The following WDR1 variants were observed in gnomAD, a reference collection of about 807,000 sequenced individuals.
WDR1 encodes WD repeat-containing protein 1.
A neutral mutation model predicts 71.9 loss-of-function variants in WDR1; 21 were observed. That is an observed-to-expected ratio of 0.29 (90% CI 0.21 to 0.42). The LOEUF (loss-of-function observed/expected upper bound fraction) is 0.42, where lower values mean the gene tolerates loss of function less well. WDR1 is among the 10% of genes least tolerant of loss of function. WDR1 has a pLI of 1.00. For missense variants in WDR1, 696 were observed against 824.5 expected, an observed-to-expected ratio of 0.84 and a Z score of 1.91; for synonymous variants, 424 against 347.4, an observed-to-expected ratio of 1.22 and a Z score of -2.45.
At chr4:10,082,957 G>C in intron 10 of WDR1, 65 bp downstream of exon 10, 1 of 1,545,850 alleles carries the variant, frequency 6.5e-7, no homozygotes, top group Non-Finnish European at 8.7e-7. Context: ...AACTGCTGGA[G>C]GGCACAAGCC....
intron 2 of WDR1, among the ~76,000 whole-genome samples, chr4:10,110,716 C>T (rs1273009741): frequency 6.6e-6 from 1 of 152,218 alleles, no homozygotes; most frequent in East Asian, 1.9e-4. Context: ...AACCTGGTGC[C>T]TTCGAAGGTT....
In WDR1 at chr4:10,116,127, G is replaced by A. The variant is rs1424090067; in HGVS notation, c.124C>T (p.Leu42=). The A allele has an allele frequency of 2.5e-6, 4 of 1,613,530 alleles. No homozygotes were observed. The highest frequency in any genetic ancestry group is 3.3e-5 in the Admixed American group (2 of 59,986). The part of the protein sequence containing the change: ...FLYTNGKCVI[L]RNIDNPALAD... ...GGGGTACTCACGTCGATGTTCCTTA[G>A]GATGACGCACTTTCCATTGGTGTAC... The change falls in exon 2 of 15, where the codon CTA becomes TTA. Residue 42 remains leucine, a synonymous_variant. Coordinates refer to ENST00000499869, the MANE Select transcript of WDR1 (RefSeq NM_017491.5).
chr4:10,112,601 A>G (rs1368212958), intron 2 of WDR1, among the ~76,000 whole-genome samples: 1 of 152,220 alleles, frequency 6.6e-6, no homozygotes, highest in African/African-American at 2.4e-5. Flanking sequence ...AACAAAATAA[A>G]TGACAGAGGG....
intron 13 of WDR1, 143 bp from the exon 14 acceptor site, chr4:10,077,591 A>G (rs574543917): frequency 6.7e-7 from 1 of 1,486,888 alleles, no homozygotes. Flanking sequence ...CTGCAAACCC[A>G]CTGACTCCTC....
At chr4:10,108,061 C>A (rs375606133) in intron 2 of WDR1, among the ~76,000 whole-genome samples, 1 of 152,176 alleles carries the variant, frequency 6.6e-6, no homozygotes, top group African/African-American at 2.4e-5. Context: ...CATACTCCCC[C>A]CCGGCACCTG....
chr4:10,116,332 T>A, intron 1 of WDR1, 98 bp from the exon 2 acceptor site: 1 of 1,523,124 alleles, frequency 6.6e-7, no homozygotes, highest in Non-Finnish European at 8.9e-7. Flanking sequence ...GCCGGTCACC[T>A]GTTGACTGCG....
At chr4:10,083,716 C>T in intron 9 of WDR1, 1 of 457,478 alleles carries the variant, frequency 2.2e-6, no homozygotes, top group South Asian at 1.5e-5. Flanking sequence ...GTGTGGGCAT[C>T]CCTGCCCAGG....
At position 10,099,767 on chromosome 4, in the gene WDR1, C is replaced by T. The variant is rs370902897; in HGVS notation, c.230-628G>A. On this transcript the variant is annotated intron_variant, in intron 3 of 14. Coordinates refer to ENST00000499869, the MANE Select transcript of WDR1 (RefSeq NM_017491.5). ...GCTGCCTGGCAAATCAGCAGCCTCA[C>T]TCACACACCGAGCAGTTCCACGACG... is the stretch of plus-strand genomic sequence containing the variant. Among the ~76,000 whole-genome samples, 13 of 152,382 alleles carry T rather than the reference C, an allele frequency of 8.5e-5. No homozygotes were observed. The East Asian group carries it at 2.3e-3, about 27-fold the overall frequency.
At chr4:10,114,105 T>C (rs908255669) in intron 2 of WDR1, among the ~76,000 whole-genome samples, 9 of 152,078 alleles carry the variant, frequency 5.9e-5, no homozygotes, top group African/African-American at 2.4e-5. Context: ...GAGTACCCAG[T>C]CCACCCATCC....
chr4:10,115,132 G>C (rs1043279552), intron 2 of WDR1, among the ~76,000 whole-genome samples: 2 of 152,174 alleles, frequency 1.3e-5, no homozygotes, highest in African/African-American at 4.8e-5. Context: ...ATACATCTTT[G>C]TGCCAGCCGC....
At chr4:10,098,951 C>T (rs1355099633) in intron 4 of WDR1, 41 bp downstream of exon 4, 1 of 1,612,372 alleles carries the variant, frequency 6.2e-7, no homozygotes, top group Non-Finnish European at 8.5e-7. Flanking sequence ...ACGCATGAGC[C>T]ACAGCAACAG....
chr4:10,086,001 G>A (rs1048157025), intron 8 of WDR1, among the ~76,000 whole-genome samples: 1 of 152,214 alleles, frequency 6.6e-6, no homozygotes, highest in Non-Finnish European at 1.5e-5. Context: ...GCCCCAGACA[G>A]TTGGCAGCAG....
At chr4:10,098,802 C>CAGTG (rs1291755538) in intron 4 of WDR1, among the ~76,000 whole-genome samples, 190 bp downstream of exon 4, 1 of 152,226 alleles carries the variant, frequency 6.6e-6, no homozygotes, top group Non-Finnish European at 1.5e-5. Flanking sequence ...GTGACAAACC[C>CAGTG]AGTGTGATGT....
rs538662532 is a variant in WDR1 at position 10,090,479 on chromosome 4, C to G, written c.559-1738G>C. 6.6e-5 allele frequency among the ~76,000 whole-genome samples: 10 copies of G among 152,356 alleles called. No individual in the cohort carries two copies. The South Asian group carries it at 2.1e-3, about 32-fold the overall frequency. On this transcript the variant is annotated intron_variant, in intron 5 of 14. Coordinates refer to ENST00000499869, the MANE Select transcript of WDR1 (RefSeq NM_017491.5). ...GCAGGCAGTTCTCGTAGAGAGGCCA[C>G]TCCCCGCCCCAGAAATCTCTCTAGG...
chr4:10,101,280 A>G (rs1712670244), intron 3 of WDR1, among the ~76,000 whole-genome samples: 1 of 152,220 alleles, frequency 6.6e-6, no homozygotes, highest in Non-Finnish European at 1.5e-5. Context: ...TCAACACTTC[A>G]GCAGTCATGA....
At chr4:10,115,331 G>A (rs944308516) in intron 2 of WDR1, among the ~76,000 whole-genome samples, 1 of 152,262 alleles carries the variant, frequency 6.6e-6, no homozygotes, top group South Asian at 2.1e-4. Flanking sequence ...GAATTTGCAA[G>A]GATTTCCCAA....
intron 10 of WDR1, among the ~76,000 whole-genome samples, chr4:10,082,114 A>G (rs1765039055): frequency 6.6e-6 from 1 of 152,208 alleles, no homozygotes; most frequent in African/African-American, 2.4e-5. Flanking sequence ...TGGGGTCACC[A>G]CAGGGCAGTA....
chr4:10,081,699 G>A (rs1765022561), intron 10 of WDR1, among the ~76,000 whole-genome samples: 2 of 150,198 alleles, frequency 1.3e-5, no homozygotes, highest in Non-Finnish European at 3.0e-5. Context: ...GGCGGTGAAA[G>A]GCGTTGATTA....
intron 2 of WDR1, 146 bp from the exon 3 acceptor site, chr4:10,104,132 T>C (rs1712880339): frequency 1.3e-6 from 1 of 790,726 alleles, no homozygotes; most frequent in Non-Finnish European, 2.1e-6. Context: ...AGCATACCAC[T>C]TGCCTACGTA....
Sources: gnomAD v4.1 joint callset for allele counts (sites outside exome capture counted in the v4.1 genomes callset) on GRCh38, gnomAD v4.1.1 for gene constraint, MANE v1.5 for transcripts, NCBI Gene and HGNC (gene_info 2026-07-23, HGNC 2026-07-21) for gene names.